PADI2: variants seen among roughly 807,000 people sequenced by gnomAD.
PADI2 encodes protein-arginine deiminase type-2.
PADI2 carries 70 observed loss-of-function variants against 81.1 expected under a neutral mutation model. That is an observed-to-expected ratio of 0.86 (90% confidence interval 0.71 to 1.05). PADI2 has a LOEUF of 1.05. Among genes scored for constraint, PADI2 ranks in the 50% least tolerant of loss-of-function variants. The pLI is 0.00. For missense variants in PADI2, 853 were observed against 889.9 expected (o/e 0.96, Z 0.53); for synonymous variants, 338 against 358.0 (o/e 0.94, Z 0.63).
At chr1:17,073,630 G>A (rs915781592) in intron 13 of PADI2, among the ~76,000 whole-genome samples, 1 of 152,026 alleles carries the variant, frequency 6.6e-6, no homozygotes, top group African/African-American at 2.4e-5. Context: ...GGAGAGAGGA[G>A]GGAAAGAGTT....
At chr1:17,106,531 C>T (rs1460418423) in intron 1 of PADI2, among the ~76,000 whole-genome samples, 1 of 151,842 alleles carries the variant, frequency 6.6e-6, no homozygotes, top group Non-Finnish European at 1.5e-5. Flanking sequence ...CAACCTCTGC[C>T]TCCCGGGTTC....
chr1:17,107,113 C>T (rs1174855784), intron 1 of PADI2, among the ~76,000 whole-genome samples: 1 of 152,064 alleles, frequency 6.6e-6, no homozygotes, highest in Admixed American at 6.6e-5. Context: ...GTCTGGAGGC[C>T]CAAGAGGGCT....
At chr1:17,087,673 GT>G (rs909108947) in intron 6 of PADI2, among the ~76,000 whole-genome samples, 6 of 152,006 alleles carry the variant, frequency 3.9e-5, no homozygotes, top group Admixed American at 3.9e-4. Context: ...GTTAATTTTT[GT>G]ATTTTTTAGC....
At chr1:17,094,802 G>A (rs748501422) in intron 4 of PADI2, among the ~76,000 whole-genome samples, 12 of 152,232 alleles carry the variant, frequency 7.9e-5, no homozygotes, top group Non-Finnish European at 1.5e-4. Context: ...CAGCCCCTTG[G>A]GGGAGGTTGG....
intron 2 of PADI2, among the ~76,000 whole-genome samples, chr1:17,103,433 G>A (rs1349201515): frequency 6.6e-6 from 1 of 152,100 alleles, no homozygotes; most frequent in East Asian, 1.9e-4. Flanking sequence ...ACTGTGATGG[G>A]GCACATGGTA....
At position 17,115,882 on chromosome 1, in the gene PADI2, T is replaced by C. The variant is rs561160619; in HGVS notation, c.92+3398A>G. 1.4e-4 allele frequency among the ~76,000 whole-genome samples: 21 copies of C among 152,356 alleles called. No homozygotes were observed. The South Asian group carries it at 4.1e-3, about 30-fold the overall frequency. ...CAAACACCCTACTTCCTTCTTTCTA[T>C]GTATCTATTCATTGCTTGCTGGAGA... On this transcript the variant is annotated intron_variant, in intron 1 of 15. Transcript: ENST00000375486. The surrounding 1 kb of genome is among the most constrained non-coding windows in gnomAD (Gnocchi z 4.1).
intron 6 of PADI2, among the ~76,000 whole-genome samples, chr1:17,090,617 G>C (rs1430514415): frequency 6.7e-6 from 1 of 149,924 alleles, no homozygotes; most frequent in Admixed American, 6.7e-5. Context: ...GTGTGTGTGT[G>C]TCTAAGAGTT....
chr1:17,112,183 T>C (rs1021593525), intron 1 of PADI2, among the ~76,000 whole-genome samples: 6 of 152,190 alleles, frequency 3.9e-5, no homozygotes, highest in Admixed American at 3.9e-4. Flanking sequence ...TGGGACCAGA[T>C]AGTGGCTGTG....
At chr1:17,093,382 C>T (rs1306853327) in intron 5 of PADI2, among the ~76,000 whole-genome samples, 185 bp downstream of exon 5, 1 of 152,228 alleles carries the variant, frequency 6.6e-6, no homozygotes, top group East Asian at 1.9e-4. Flanking sequence ...GTGTGAGCCA[C>T]CACGCCCGGC....
At chr1:17,112,009 G>A (rs553793119) in intron 1 of PADI2, among the ~76,000 whole-genome samples, 3 of 152,242 alleles carry the variant, frequency 2.0e-5, no homozygotes, top group Middle Eastern at 3.4e-3. Flanking sequence ...GGAAGTCACT[G>A]AAGGTTTCTA....
intron 6 of PADI2, among the ~76,000 whole-genome samples, chr1:17,092,054 T>G (rs1930717046): frequency 6.6e-6 from 1 of 151,930 alleles, no homozygotes; most frequent in African/African-American, 2.4e-5. Context: ...TCTTTGAAAG[T>G]CAGAGATGGC....
intron 6 of PADI2, 124 bp downstream of exon 6, chr1:17,092,284 A>G: frequency 1.5e-6 from 1 of 678,774 alleles, no homozygotes; most frequent in Non-Finnish European, 2.4e-6. Context: ...TTGCCATGTT[A>G]CAATCACTCA....
chr1:17,085,990 A>G (rs552093380), intron 7 of PADI2, among the ~76,000 whole-genome samples: 3 of 152,330 alleles, frequency 2.0e-5, no homozygotes, highest in African/African-American at 7.2e-5. Flanking sequence ...TCTTCTCCTC[A>G]TCCAGTTTCT....
At chr1:17,098,351 G>A (rs1440510825) in intron 3 of PADI2, among the ~76,000 whole-genome samples, 12 of 152,200 alleles carry the variant, frequency 7.9e-5, no homozygotes, top group Admixed American at 7.8e-4. Flanking sequence ...TCCTTGTGGC[G>A]AGTCCATTAA....
chr1:17,080,150 G>A (rs1010670757), intron 10 of PADI2, among the ~76,000 whole-genome samples: 1 of 152,196 alleles, frequency 6.6e-6, no homozygotes, highest in African/African-American at 2.4e-5. Context: ...GGAGCAGCTA[G>A]TATTATTATT....
rs1461583380 is a variant in PADI2 at position 17,115,046 on chromosome 1, T to G, written c.92+4234A>C. Among the ~76,000 whole-genome samples, 1 of 152,172 alleles carries G rather than the reference T, an allele frequency of 6.6e-6. No individual in the cohort carries two copies. The highest frequency in any genetic ancestry group is 2.4e-5 in the African/African-American group (1 of 41,444). Reference sequence around the variant, plus strand: ...CCTGGCCTTTGTCCTAATGACACTTTTTAAAAAAGCAAATACATCTCTAGC... The same window carrying G: ...CCTGGCCTTTGTCCTAATGACACTTGTTAAAAAAGCAAATACATCTCTAGC... On this transcript the variant is annotated intron_variant, in intron 1 of 15. Transcript: ENST00000375486. This position sits in a 1 kb window ranked among gnomAD's most constrained non-coding sequence, Gnocchi z 4.1.
chr1:17,094,791 C>A (rs7547459), intron 4 of PADI2, among the ~76,000 whole-genome samples: 89,853 of 152,150 alleles, frequency 0.59, 26,770 homozygotes, highest in Non-Finnish European at 0.63. Context: ...CCAAGACTGC[C>A]CAGCCCCTTG....
Position 17,083,604 on chromosome 1 carries a change from T to G in PADI2, c.1050+122A>C, listed in dbSNP as rs981841378. The G allele has an allele frequency of 1.7e-5, 12 of 688,966 alleles. No individual in the cohort carries two copies. The African/African-American group carries it at 1.9e-4, about 11-fold the overall frequency. The allele number at this position is 688,966 out of a possible 1,614,324, so 42.7% of individuals were successfully genotyped here. ...ATGTCTTTGTGCACATGTGCAGATA[T>G]GAGCTGACAGAAGAATCCCCATCTG... On this transcript the variant is annotated intron_variant, in intron 9 of 15. Coordinates refer to ENST00000375486, the MANE Select transcript of PADI2 (RefSeq NM_007365.3).
rs201685279 is a variant in PADI2 at position 17,094,975 on chromosome 1, C to A, written c.411+934G>T. 7.9e-5 allele frequency among the ~76,000 whole-genome samples: 12 copies of A among 152,356 alleles called. No individual in the cohort carries two copies. The East Asian group carries it at 2.3e-3, about 29-fold the overall frequency. On this transcript the variant is annotated intron_variant, in intron 4 of 15. Transcript: ENST00000375486. ...AGGGACTTCCCCACATGGCTGAGAA[C>A]CCTCTCCTGACCTGCAGAGAGTCAG...
Sources: gnomAD v4.1 joint callset for allele counts (sites outside exome capture counted in the v4.1 genomes callset) on GRCh38, gnomAD v4.1.1 for gene constraint, Gnocchi (gnomAD v3.1) non-coding constraint, MANE v1.5 for transcripts, NCBI Gene and HGNC (gene_info 2026-07-23, HGNC 2026-07-21) for gene names.